Variants in PPFIA3 observed in about 807,000 individuals in gnomAD.
PPFIA3 encodes the protein liprin-alpha-3.
In PPFIA3, 26 loss-of-function variants were observed where a neutral mutation model predicts 145.8. The observed-to-expected ratio is 0.18, with a 90% CI of 0.13 to 0.25. The LOEUF is 0.25. PPFIA3 is among the 10% of genes least tolerant of loss of function. The pLI, the probability that PPFIA3 is intolerant of heterozygous loss-of-function variation, is 1.00. For synonymous variants in PPFIA3, 645 were observed against 661.4 expected (o/e 0.98, Z 0.38); for missense variants, 1,008 against 1,587.8 (o/e 0.63, Z 6.21).
At chr19:49,141,031 G>A (rs779805011) in intron 18 of PPFIA3, among the ~76,000 whole-genome samples, 1 of 152,154 alleles carries the variant, frequency 6.6e-6, no homozygotes. Context: ...GGAGCCCGCT[G>A]GCACTGGCTC....
Position 49,127,894 on chromosome 19 carries a change from C to T in PPFIA3, c.21C>T (p.Pro7=). The T allele has an allele frequency of 6.3e-7, 1 of 1,593,412 alleles. No homozygotes were observed. The highest frequency in any genetic ancestry group is 8.5e-7 in the Non-Finnish European group (1 of 1,177,854). MMCEVM[P]TISEDGRRGS... ...CCGCCATGATGTGCGAGGTGATGCC[C>T]ACCATCAGCGAGGATGGCCGGCGGG... Residue 7 remains proline (P), a synonymous_variant, in exon 2 of 30, where the codon CCC becomes CCT. Coordinates refer to ENST00000334186, the MANE Select transcript of PPFIA3 (RefSeq NM_003660.4).
chr19:49,131,050 T>A (rs1424524097), intron 7 of PPFIA3, among the ~76,000 whole-genome samples: 1 of 149,664 alleles, frequency 6.7e-6, no homozygotes, highest in Non-Finnish European at 1.5e-5. Flanking sequence ...TTTTTTGTAT[T>A]TTTAGTAGAG....
rs912934826 is a variant in PPFIA3, at chr19:49,120,866, C to G, written c.-16+1144C>G. The stretch of plus-strand genomic sequence containing the variant: ...TGTCTGCCTCAACCCTCTCTCCAAA[C>G]AAGACCTCAGGCTCTCACCTTCCAA... On this transcript the variant is annotated intron_variant, in intron 1 of 29. Transcript: ENST00000334186. This position sits in a 1 kb window ranked among gnomAD's most constrained non-coding sequence, Gnocchi z 4.6. Among the ~76,000 whole-genome samples the G allele has an allele frequency of 1.1e-4, 16 of 152,186 alleles. 1 individual carries two copies. The highest frequency in any genetic ancestry group is 9.2e-4 in the Admixed American group (14 of 15,280).
intron 23 of PPFIA3, among the ~76,000 whole-genome samples, chr19:49,147,847 G>A (rs2041298985): frequency 6.6e-6 from 1 of 152,254 alleles, no homozygotes; most frequent in African/African-American, 2.4e-5. Context: ...CAAGTCCACA[G>A]GTGATGGTGA....
chr19:49,134,710 C>G lies in PPFIA3; in HGVS notation c.1440+9C>G. 6.2e-7 allele frequency: 1 copy of G among 1,613,576 alleles called. No homozygotes were observed. The highest frequency in any genetic ancestry group is 8.5e-7 in the Non-Finnish European group (1 of 1,179,552). ...AGTTGCTGCTAAACAAGGTAGGGGG[C>G]CCTGAGGGGACAGGAGGAGGATGTT... is the stretch of plus-strand genomic sequence containing the variant. On this transcript the variant is annotated intron_variant, in intron 12 of 29. Coordinates refer to ENST00000334186, the MANE Select transcript of PPFIA3 (RefSeq NM_003660.4).
At chr19:49,129,303 G>T in intron 4 of PPFIA3, 77 bp from the exon 5 acceptor site, 1 of 1,455,618 alleles carries the variant, frequency 6.9e-7, no homozygotes, top group Non-Finnish European at 9.3e-7. Flanking sequence ...TCCGTCCCAG[G>T]GGTGTTCTGG....
intron 23 of PPFIA3, among the ~76,000 whole-genome samples, 169 bp from the exon 24 acceptor site, chr19:49,147,914 G>A (rs749415456): frequency 4.6e-5 from 7 of 152,142 alleles, no homozygotes; most frequent in Non-Finnish European, 8.8e-5. Context: ...TGTCATGAAG[G>A]GCTAGGAGAC....
At chr19:49,137,737 C>T (rs62127947) in intron 15 of PPFIA3, among the ~76,000 whole-genome samples, 1,847 of 150,336 alleles carry the variant, frequency 0.012, 21 homozygotes, top group Non-Finnish European at 0.018. Context: ...CAGCAATTCT[C>T]TTATAATGTA....
In PPFIA3 at chr19:49,128,985, C is replaced by A. The variant is rs767117196; in HGVS notation, c.480C>A (p.Phe160Leu). Reference sequence around the variant, plus strand: ...TGCTCAAAGCTCTAAAGTCTCTCTTCGAGCACCACAAGGCCCTGGATGAGA... The same window carrying A: ...TGCTCAAAGCTCTAAAGTCTCTCTTAGAGCACCACAAGGCCCTGGATGAGA... ...VEVLKALKSL[F>L]EHHKALDEKV... Residue 160 changes from phenylalanine (F) to leucine (L), a missense_variant, in exon 4 of 30, where the codon TTC (phenylalanine) becomes TTA (leucine). This residue lies in a region of PPFIA3 where 25 missense variants were observed against 85.2 expected (regional missense o/e 0.29). Transcript: ENST00000334186. This position sits in a 1 kb window ranked among gnomAD's most constrained non-coding sequence, Gnocchi z 4.1. 2 of 1,609,596 alleles carry A rather than the reference C, an allele frequency of 1.2e-6. No homozygotes were observed. The highest frequency in any genetic ancestry group is 1.7e-6 in the Non-Finnish European group (2 of 1,178,146).
intron 1 of PPFIA3, among the ~76,000 whole-genome samples, chr19:49,122,691 TTTG>T (rs370480751): frequency 6.6e-5 from 10 of 151,802 alleles, no homozygotes; most frequent in African/African-American, 1.5e-4. Flanking sequence ...CACATTCTTT[TTTG>T]TTGTTGTTGT....
chr19:49,129,669 G>A (rs2122552596), intron 5 of PPFIA3, among the ~76,000 whole-genome samples: 1 of 152,304 alleles, frequency 6.6e-6, no homozygotes, highest in South Asian at 2.1e-4. Flanking sequence ...CAGTGAGAGT[G>A]AGATTAAGGG....
rs1158864764 is a variant in PPFIA3 at position 49,134,102 on chromosome 19, G to T, written c.1314G>T (p.Leu438=). ...KRLSETVDKL[L]SESNERLQLH... is the part of the protein sequence containing the mutation. ...TGTCCGAGACGGTGGACAAGCTGCT[G>T]AGCGAGTCCAACGAGCGCTTACAGC... The change falls in exon 11 of 30, where the codon CTG becomes CTT. Residue 438 remains leucine, a synonymous_variant. Coordinates refer to ENST00000334186, the MANE Select transcript of PPFIA3 (RefSeq NM_003660.4). The T allele has an allele frequency of 1.2e-6, 2 of 1,613,848 alleles. No homozygotes were observed. The highest frequency in any genetic ancestry group is 1.3e-5 in the African/African-American group (1 of 74,920).
rs774275294 is a variant in PPFIA3, at chr19:49,145,996, G to A, written c.2799G>A (p.Thr933=). Residue 933 remains threonine (T), a synonymous_variant, in exon 22 of 30, where the codon ACG becomes ACA. Transcript: ENST00000334186. ...AGGAGATGGAGTCCCTTACGGCCAC[G>A]ACCAAGCCCGTGAGTGCCCCCTGCC... The part of the protein sequence containing the change: ...THEEMESLTA[T]TKPETKEISW... The A allele has an allele frequency of 1.9e-6, 3 of 1,613,826 alleles. No homozygotes were observed. The South Asian group carries it at 3.3e-5, about 18-fold the overall frequency.
chr19:49,135,082 C>T (rs2041122557), intron 13 of PPFIA3, among the ~76,000 whole-genome samples, 167 bp downstream of exon 13: 1 of 152,116 alleles, frequency 6.6e-6, no homozygotes, highest in South Asian at 2.1e-4. Context: ...CACTCTGTCG[C>T]CCAGGCTGGA....
At chr19:49,121,644 C>G (rs1273446602) in intron 1 of PPFIA3, among the ~76,000 whole-genome samples, 1 of 152,042 alleles carries the variant, frequency 6.6e-6, no homozygotes, top group Admixed American at 6.6e-5. Context: ...GGCGTGGTGG[C>G]ACATGCCTGT....
intron 14 of PPFIA3, 63 bp from the exon 15 acceptor site, chr19:49,136,661 A>T (rs2041140880): frequency 8.1e-7 from 1 of 1,236,880 alleles, no homozygotes; most frequent in Non-Finnish European, 1.1e-6. Context: ...ATCATGAGCC[A>T]AGACCCAGCG....
chr19:49,136,063 C>T, intron 14 of PPFIA3, 140 bp downstream of exon 14: 2 of 1,032,786 alleles, frequency 1.9e-6, no homozygotes, highest in Non-Finnish European at 2.6e-6. Context: ...ACCCTTTCTT[C>T]TCTCCTTCCC....
Position 49,136,891 on chromosome 19 carries a change from G to T in PPFIA3, c.1833G>T (p.Glu611Asp). 1 of 1,560,604 alleles carries T rather than the reference G, an allele frequency of 6.4e-7. No homozygotes were observed. Among genetic ancestry groups the T allele is most frequent in the Admixed American group, 1.9e-5 (1 of 52,878 alleles). ...TLAIMLQEQLEAINKEIKLIQ... is the reference protein window; with the variant it reads ...TLAIMLQEQLDAINKEIKLIQ... ...CCATCATGCTTCAGGAGCAGCTGGA[G>T]GCCATCAACAAGGAGATCAAGTGAG... Residue 611 changes from glutamate to aspartate, a missense_variant, in exon 15 of 30, where the codon GAG becomes GAT. By Grantham distance (45) the Glu-to-Asp change is conservative. Transcript: ENST00000334186.
At chr19:49,136,252 C>T (rs973978801) in intron 14 of PPFIA3, among the ~76,000 whole-genome samples, 1 of 151,864 alleles carries the variant, frequency 6.6e-6, no homozygotes, top group African/African-American at 2.4e-5. Flanking sequence ...TGGGTGTGGG[C>T]GTGGCTTGGA....
Sources: gnomAD v4.1 joint callset for allele counts (sites outside exome capture counted in the v4.1 genomes callset) on GRCh38, gnomAD v4.1.1 for gene constraint, gnomAD v4.1.1 regional missense constraint, Gnocchi (gnomAD v3.1) non-coding constraint, MANE v1.5 for transcripts, NCBI Gene and HGNC (gene_info 2026-07-23, HGNC 2026-07-21) for gene names.